The following PTPRG variants were observed in gnomAD, a reference collection of about 807,000 sequenced individuals.
PTPRG encodes protein tyrosine phosphatase receptor type G.
PTPRG carries 102 observed loss-of-function variants against 165.3 expected under a neutral mutation model. The observed-to-expected ratio is 0.62, with a 90% CI of 0.53 to 0.73. PTPRG has a LOEUF of 0.73. Among genes scored for constraint, PTPRG ranks in the 30% least tolerant of loss-of-function variants. The pLI, the probability that PTPRG is intolerant of heterozygous loss-of-function variation, is 0.00. For missense variants in PTPRG, 1,866 were observed against 1,861.4 expected (o/e 1.00, Z -0.05); for synonymous variants, 675 against 669.5 (o/e 1.01, Z -0.13).
chr3:61,992,992 T>G (rs543549301), intron 3 of PTPRG, among the ~76,000 whole-genome samples: 119 of 152,154 alleles, frequency 7.8e-4, no homozygotes, highest in African/African-American at 2.5e-3. Context: ...ACACGCCACA[T>G]TAGTTCATAA....
At chr3:61,844,905 T>C (rs972219416) in intron 2 of PTPRG, among the ~76,000 whole-genome samples, 3 of 152,210 alleles carry the variant, frequency 2.0e-5, no homozygotes, top group African/African-American at 7.2e-5. Context: ...TAGGGATACC[T>C]ACATCAAATA....
intron 16 of PTPRG, among the ~76,000 whole-genome samples, chr3:62,256,716 G>A (rs955950030): frequency 3.9e-5 from 6 of 152,184 alleles, no homozygotes; most frequent in Admixed American, 6.5e-5. Flanking sequence ...AGCCGAATTT[G>A]ATCAGGATGA....
At chr3:61,635,264 A>G (rs1239100207) in intron 1 of PTPRG, among the ~76,000 whole-genome samples, 6 of 151,580 alleles carry the variant, frequency 4.0e-5, no homozygotes, top group Non-Finnish European at 8.8e-5. Flanking sequence ...TCTTGTTCCA[A>G]TGAAATGCTA....
At chr3:61,599,101 A>G (rs1700778375) in intron 1 of PTPRG, among the ~76,000 whole-genome samples, 1 of 152,226 alleles carries the variant, frequency 6.6e-6, no homozygotes, top group African/African-American at 2.4e-5. Flanking sequence ...ACCTCAGTCA[A>G]GCAACCTACA....
chr3:61,900,568 A>G (rs1056070514), intron 2 of PTPRG, among the ~76,000 whole-genome samples: 1 of 152,132 alleles, frequency 6.6e-6, no homozygotes, highest in Non-Finnish European at 1.5e-5. Context: ...CTCCTCTTCA[A>G]ATCTGCTGCA....
At chr3:62,065,711 C>G (rs771882808) in intron 4 of PTPRG, among the ~76,000 whole-genome samples, 1 of 152,154 alleles carries the variant, frequency 6.6e-6, no homozygotes, top group East Asian at 1.9e-4. Flanking sequence ...TTGTAAGGAC[C>G]CTCCCAGTGG....
intron 2 of PTPRG, among the ~76,000 whole-genome samples, chr3:61,761,025 T>C (rs2033816384): frequency 6.6e-6 from 1 of 152,212 alleles, no homozygotes; most frequent in Non-Finnish European, 1.5e-5. Context: ...GTTTATTCCA[T>C]GTCTTTGCTA....
At chr3:62,087,606 T>C (rs1459932014) in intron 5 of PTPRG, among the ~76,000 whole-genome samples, 1 of 152,150 alleles carries the variant, frequency 6.6e-6, no homozygotes, top group Admixed American at 6.6e-5. Context: ...ACATGGAGCT[T>C]TTTTCAGTAT....
intron 1 of PTPRG, among the ~76,000 whole-genome samples, chr3:61,606,322 C>T (rs988772091): frequency 3.3e-5 from 5 of 152,170 alleles, no homozygotes; most frequent in Non-Finnish European, 2.9e-5. Context: ...TTTGCTTCTC[C>T]AAGGCCAACA....
chr3:62,124,238 A>T, intron 5 of PTPRG: 1 of 1,214,662 alleles, frequency 8.2e-7, no homozygotes, highest in Non-Finnish European at 1.2e-6. Flanking sequence ...ATTTGACATT[A>T]ACTCCGAAGG....
At chr3:62,134,929 CG>C (rs1316344091) in intron 6 of PTPRG, among the ~76,000 whole-genome samples, 1 of 152,058 alleles carries the variant, frequency 6.6e-6, no homozygotes, top group Non-Finnish European at 1.5e-5. Flanking sequence ...AGGAGTATGT[CG>C]TTCTTCCAAA....
At chr3:61,988,757 C>T (rs1354730487) in intron 2 of PTPRG, among the ~76,000 whole-genome samples, 1 of 152,116 alleles carries the variant, frequency 6.6e-6, no homozygotes, top group East Asian at 1.9e-4. Context: ...GTTGTGTCAA[C>T]AAGGTTAAAA....
intron 1 of PTPRG, among the ~76,000 whole-genome samples, chr3:61,725,229 G>A (rs560532048): frequency 1.3e-4 from 20 of 152,084 alleles, no homozygotes; most frequent in African/African-American, 3.4e-4. Flanking sequence ...GTACAGTGGC[G>A]TGATCTGGGC....
At chr3:62,091,657 C>T (rs1701934871) in intron 5 of PTPRG, among the ~76,000 whole-genome samples, 2 of 152,132 alleles carry the variant, frequency 1.3e-5, no homozygotes, top group African/African-American at 2.4e-5. Flanking sequence ...TTCCTGTGAG[C>T]TTCCTTATTA....
chr3:62,141,874 C>A (rs772927585), intron 6 of PTPRG, among the ~76,000 whole-genome samples: 29 of 151,652 alleles, frequency 1.9e-4, no homozygotes, highest in Admixed American at 3.9e-4. Flanking sequence ...GCACTCCAGC[C>A]TGGGTGACAG....
At chr3:62,144,221 G>A (rs933088054) in intron 6 of PTPRG, among the ~76,000 whole-genome samples, 2 of 152,104 alleles carry the variant, frequency 1.3e-5, no homozygotes, top group African/African-American at 4.8e-5. Context: ...TCATCTAAAC[G>A]GTAGCTATTG....
At chr3:61,875,319 C>T (rs1379763362) in intron 2 of PTPRG, among the ~76,000 whole-genome samples, 1 of 152,052 alleles carries the variant, frequency 6.6e-6, no homozygotes, top group East Asian at 1.9e-4. Context: ...TCAGGAGGGC[C>T]CTGGTGCTGC....
At chr3:61,854,554 GC>G (rs1202543413) in intron 2 of PTPRG, among the ~76,000 whole-genome samples, 2 of 152,110 alleles carry the variant, frequency 1.3e-5, no homozygotes, top group Non-Finnish European at 2.9e-5. Context: ...ATGAATACAT[GC>G]TTTTTAAAAC....
intron 2 of PTPRG, among the ~76,000 whole-genome samples, chr3:61,821,196 G>C (rs1254148820): frequency 1.3e-5 from 2 of 151,342 alleles, no homozygotes; most frequent in Non-Finnish European, 2.9e-5. Context: ...TTGAGACCGA[G>C]TCTGGCTCTG....
Sources: gnomAD v4.1 joint callset for allele counts (sites outside exome capture counted in the v4.1 genomes callset) on GRCh38, gnomAD v4.1.1 for gene constraint, MANE v1.5 for transcripts, NCBI Gene and HGNC (gene_info 2026-07-23, HGNC 2026-07-21) for gene names.